Variants in SUMF1 observed in about 807,000 individuals in gnomAD.
SUMF1 encodes the protein formylglycine-generating enzyme.
In SUMF1, 48 loss-of-function variants were observed where a neutral mutation model predicts 47.6. That is an observed-to-expected ratio of 1.01 (90% CI 0.80 to 1.28). SUMF1 has a LOEUF of 1.28. Among genes scored for constraint, SUMF1 ranks in the 50% most tolerant of loss-of-function variants. The pLI, the probability that SUMF1 is intolerant of heterozygous loss-of-function variation, is 0.00. For synonymous variants in SUMF1, 230 were observed against 192.1 expected (o/e 1.20, Z -1.63); for missense variants, 571 against 485.4 (o/e 1.18, Z -1.66).
At chr3:4,427,337 T>A (rs568635732) in intron 3 of SUMF1, among the ~76,000 whole-genome samples, 2 of 152,268 alleles carry the variant, frequency 1.3e-5, no homozygotes, top group Admixed American at 1.3e-4. Flanking sequence ...TCAACTGGCA[T>A]CAGTGAACAA....
chr3:4,347,448 T>C (rs1256809249), intron 8 of SUMF1, among the ~76,000 whole-genome samples: 1 of 152,180 alleles, frequency 6.6e-6, no homozygotes, highest in Non-Finnish European at 1.5e-5. Flanking sequence ...ATTATCTCAA[T>C]AGATGCAGAA....
At chr3:4,281,751 C>T (rs188972191) in intron 8 of SUMF1, among the ~76,000 whole-genome samples, 22 of 151,806 alleles carry the variant, frequency 1.4e-4, no homozygotes, top group Admixed American at 4.6e-4. Context: ...GAAGAGTTTA[C>T]AATAAACCAA....
intron 8 of SUMF1, among the ~76,000 whole-genome samples, chr3:4,355,153 C>T (rs144173900): frequency 8.3e-4 from 127 of 152,166 alleles, no homozygotes; most frequent in African/African-American, 2.7e-3. Flanking sequence ...AGTTCAAGAC[C>T]AGCCTAGGCA....
intron 8 of SUMF1, among the ~76,000 whole-genome samples, chr3:4,296,233 T>C (rs1357666786): frequency 6.6e-6 from 1 of 151,812 alleles, no homozygotes; most frequent in Non-Finnish European, 1.5e-5. Context: ...TACTGTTTGA[T>C]GTTATAAAAT....
At chr3:4,267,256 G>C (rs1190664856) in intron 8 of SUMF1, among the ~76,000 whole-genome samples, 2 of 152,136 alleles carry the variant, frequency 1.3e-5, no homozygotes, top group South Asian at 4.1e-4. Context: ...AGTTAGGGAG[G>C]TTTCCCTCTT....
At chr3:4,303,931 T>TGGCTCA in intron 8 of SUMF1, 1 of 1,159,646 alleles carries the variant, frequency 8.6e-7, no homozygotes, top group Non-Finnish European at 1.1e-6. Flanking sequence ...AAACAGCCCC[T>TGGCTCA]CGAGTCAGCC....
chr3:4,083,517 A>G (rs952185756), intron 8 of SUMF1, among the ~76,000 whole-genome samples: 2 of 152,120 alleles, frequency 1.3e-5, no homozygotes, highest in Admixed American at 6.6e-5. Context: ...AGAAGCAAAG[A>G]AAAGTCTATG....
chr3:4,137,934 TTA>T (rs1335881419), intron 8 of SUMF1, among the ~76,000 whole-genome samples: 9 of 151,124 alleles, frequency 6.0e-5, no homozygotes, highest in East Asian at 5.8e-4. Context: ...CACACACACA[TTA>T]TTAGAACTAA....
chr3:4,180,976 T>C (rs1166076097), intron 8 of SUMF1, among the ~76,000 whole-genome samples: 1 of 152,156 alleles, frequency 6.6e-6, no homozygotes, highest in Non-Finnish European at 1.5e-5. Context: ...CTAACCAAAA[T>C]AATAACAATA....
At position 4,110,583 on chromosome 3, in the gene SUMF1, G is replaced by A. The variant is rs535196653; in HGVS notation, c.1015-41838C>T. Among the ~76,000 whole-genome samples, 181 of 151,972 alleles carry A rather than the reference G, an allele frequency of 1.2e-3. 3 individuals are homozygous for A. The highest frequency in any genetic ancestry group is 4.0e-3 in the African/African-American group (167 of 41,388). ...GCACTGTTCACAATAACAAAGACTT[G>A]GAACCAACCCAAATGTCCAACAGTG... On this transcript the variant is annotated intron_variant and NMD_transcript_variant, in intron 8 of 12. Coordinates refer to the SUMF1 transcript ENST00000448413.
At position 4,336,556 on chromosome 3, in the gene SUMF1, G is replaced by A. The variant is rs111374308; in HGVS notation, c.1014+39774C>T. The stretch of plus-strand genomic sequence containing the variant: ...AGTTTAACTTTCCCTTTGGCATAGT[G>A]AGTTTGAGGTCCCGATAGTCTACTT... On this transcript the variant is annotated intron_variant and NMD_transcript_variant, in intron 8 of 12. Transcript: ENST00000448413. Among the ~76,000 whole-genome samples, 876 of 152,308 alleles carry A rather than the reference G, an allele frequency of 5.8e-3. 5 individuals are homozygous for A. Among genetic ancestry groups the A allele is most frequent in the Non-Finnish European group, 7.8e-3 (528 of 68,026 alleles).
At chr3:4,269,245 A>C (rs1167065732) in intron 8 of SUMF1, among the ~76,000 whole-genome samples, 11 of 152,146 alleles carry the variant, frequency 7.2e-5, no homozygotes, top group Non-Finnish European at 1.5e-5. Flanking sequence ...ATATGTATAC[A>C]TGTGCCATGT....
chr3:4,095,735 T>C (rs934386298), intron 8 of SUMF1, among the ~76,000 whole-genome samples: 1 of 151,918 alleles, frequency 6.6e-6, no homozygotes, highest in African/African-American at 2.4e-5. Flanking sequence ...AGAAAAATGG[T>C]GTTAACAAAA....
intron 8 of SUMF1, among the ~76,000 whole-genome samples, chr3:4,245,950 T>C (rs1696658035): frequency 6.6e-6 from 1 of 152,178 alleles, no homozygotes; most frequent in South Asian, 2.1e-4. Flanking sequence ...AACTGCCTAC[T>C]GAAGCCTCAG....
chr3:4,348,901 G>C (rs139569121), intron 8 of SUMF1, among the ~76,000 whole-genome samples: 2,229 of 152,142 alleles, frequency 0.015, 58 homozygotes, highest in African/African-American at 0.046. Flanking sequence ...CAAAACCCTA[G>C]AAGAAAACCT....
chr3:4,285,447 G>T (rs1022465655), intron 8 of SUMF1, among the ~76,000 whole-genome samples: 2 of 152,062 alleles, frequency 1.3e-5, no homozygotes, highest in Admixed American at 1.3e-4. Flanking sequence ...TAGAGTTTAT[G>T]AATTTTCACA....
chr3:4,075,902 G>A (rs539141298), intron 8 of SUMF1, among the ~76,000 whole-genome samples: 3 of 152,196 alleles, frequency 2.0e-5, no homozygotes, highest in African/African-American at 7.2e-5. Flanking sequence ...TCATGAAAAT[G>A]GCCATACTGC....
intron 8 of SUMF1, among the ~76,000 whole-genome samples, chr3:4,079,657 GAAAT>G (rs1692515731): frequency 6.6e-6 from 1 of 150,598 alleles, no homozygotes; most frequent in South Asian, 2.1e-4. Context: ...ATAATTTAGT[GAAAT>G]AATATATGGA....
intron 8 of SUMF1, among the ~76,000 whole-genome samples, chr3:4,288,643 C>T (rs1440663132): frequency 1.3e-5 from 2 of 152,072 alleles, no homozygotes; most frequent in African/African-American, 2.4e-5. Flanking sequence ...ACCAAAAATA[C>T]AAAAATTAGC....
Sources: gnomAD v4.1 joint callset for allele counts (sites outside exome capture counted in the v4.1 genomes callset) on GRCh38, gnomAD v4.1.1 for gene constraint, MANE v1.5 for transcripts, NCBI Gene and HGNC (gene_info 2026-07-23, HGNC 2026-07-21) for gene names.